DNAH7: variants seen among roughly 807,000 people sequenced by gnomAD.
The protein encoded by DNAH7 is axonemal beta dynein heavy chain 7.
A neutral mutation model predicts 444.6 loss-of-function variants in DNAH7; 397 were observed. That is an observed-to-expected ratio of 0.89 (90% CI 0.82 to 0.97). The LOEUF (loss-of-function observed/expected upper bound fraction) is 0.97. Among genes scored for constraint, DNAH7 ranks in the 50% least tolerant of loss-of-function variants. DNAH7 has a pLI of 0.00. For synonymous variants in DNAH7, 1,636 were observed against 1,624.4 expected, an observed-to-expected ratio of 1.01 and a Z score of -0.17; for missense variants, 4,902 against 4,800.8, an observed-to-expected ratio of 1.02 and a Z score of -0.62.
At chr2:195,753,736 T>G (rs936700208) in intron 63 of DNAH7, among the ~76,000 whole-genome samples, 1 of 152,188 alleles carries the variant, frequency 6.6e-6, no homozygotes, top group Non-Finnish European at 1.5e-5. Context: ...AAATAAAATA[T>G]CAGGGTAGCC....
chr2:196,020,155 T>C (rs1695286845), intron 8 of DNAH7, among the ~76,000 whole-genome samples: 1 of 151,418 alleles, frequency 6.6e-6, no homozygotes, highest in African/African-American at 2.4e-5. Flanking sequence ...CAGTATATAA[T>C]ACATATAACA....
At chr2:195,936,902 A>C in intron 19 of DNAH7, 110 bp from the exon 20 acceptor site, 1 of 903,526 alleles carries the variant, frequency 1.1e-6, no homozygotes, top group Non-Finnish European at 1.6e-6. Context: ...AGGTTATGTA[A>C]ATTTTAAGGG....
Position 195,777,911 on chromosome 2 carries a change from G to GTCCCAGT in DNAH7, c.10946_10952dup (p.Asp3651GlufsTer21). ...TTAGAATGCTGCGCAGCGTGCGCCGGTCCCAGTCATCGGTCACTCTGCCTC... is the reference window on the plus strand; with the variant it reads ...TTAGAATGCTGCGCAGCGTGCGCCGGTCCCAGTTCCCAGTCATCGGTCACTCTGCCTC... On this transcript the variant is annotated frameshift_variant, in exon 59 of 65. Transcript: ENST00000312428. LOFTEE classifies it high-confidence loss of function. The GTCCCAGT allele has an allele frequency of 6.2e-7, 1 of 1,614,154 alleles. No homozygotes were observed. The highest frequency in any genetic ancestry group is 8.5e-7 in the Non-Finnish European group (1 of 1,179,988).
chr2:196,068,492 A>T, intron 1 of DNAH7: 1 of 681,470 alleles, frequency 1.5e-6, no homozygotes, highest in Non-Finnish European at 2.3e-6. Context: ...TGTTATGACG[A>T]CCAAGGGCAA....
At chr2:195,936,393 A>C (rs1212903235) in intron 20 of DNAH7, among the ~76,000 whole-genome samples, 1 of 152,126 alleles carries the variant, frequency 6.6e-6, no homozygotes, top group Non-Finnish European at 1.5e-5. Flanking sequence ...AAAAACAAAC[A>C]AAAAAAGAAA....
intron 51 of DNAH7, among the ~76,000 whole-genome samples, chr2:195,815,463 C>T (rs1306271878): frequency 6.6e-6 from 1 of 152,030 alleles, no homozygotes; most frequent in African/African-American, 2.4e-5. Flanking sequence ...TAAGAACACT[C>T]AAAATTTTAG....
chr2:196,000,938 A>T (rs1693996902), intron 11 of DNAH7, 55 bp from the exon 12 acceptor site: 1 of 1,409,656 alleles, frequency 7.1e-7, no homozygotes, highest in Admixed American at 2.3e-5. Context: ...GTGACAGACT[A>T]AGTAGTACAC....
At chr2:195,821,160 TAA>T (rs35044943) in intron 49 of DNAH7, among the ~76,000 whole-genome samples, 90 of 141,012 alleles carry the variant, frequency 6.4e-4, no homozygotes, top group Non-Finnish European at 6.1e-4. Context: ...GTGGGAAGGT[TAA>T]AAAAAAAAAA....
intron 5 of DNAH7, among the ~76,000 whole-genome samples, chr2:196,032,065 A>C (rs569042887): frequency 6.6e-6 from 1 of 152,342 alleles, no homozygotes; most frequent in South Asian, 2.1e-4. Context: ...TAGAACTTAC[A>C]GTTCCACGTG....
At chr2:195,919,548 T>C (rs1354586826) in intron 24 of DNAH7, among the ~76,000 whole-genome samples, 1 of 152,130 alleles carries the variant, frequency 6.6e-6, no homozygotes, top group Non-Finnish European at 1.5e-5. Flanking sequence ...TTTCACCATG[T>C]TGGCCAGACT....
intron 19 of DNAH7, among the ~76,000 whole-genome samples, chr2:195,937,316 C>G (rs983246992): frequency 3.3e-5 from 5 of 152,088 alleles, no homozygotes; most frequent in African/African-American, 1.2e-4. Flanking sequence ...AACAATGACC[C>G]TTGAAACTAC....
chr2:195,742,969 G>A, intron 63 of DNAH7, among the ~76,000 whole-genome samples: 1 of 152,218 alleles, frequency 6.6e-6, no homozygotes, highest in East Asian at 1.9e-4. Context: ...ATTGGATTGG[G>A]AGAGGCAGAC....
intron 61 of DNAH7, among the ~76,000 whole-genome samples, chr2:195,768,604 T>C (rs1694696371): frequency 6.6e-6 from 1 of 152,094 alleles, no homozygotes. Flanking sequence ...TATTACCAAG[T>C]TGTACTTCAA....
intron 61 of DNAH7, among the ~76,000 whole-genome samples, chr2:195,770,088 T>G (rs1477433572): frequency 6.6e-6 from 1 of 152,132 alleles, no homozygotes; most frequent in Non-Finnish European, 1.5e-5. Context: ...ACATCAATCT[T>G]CAGCCAGCAT....
At chr2:196,060,467 G>A (rs1462469321) in intron 1 of DNAH7, among the ~76,000 whole-genome samples, 4 of 151,954 alleles carry the variant, frequency 2.6e-5, no homozygotes, top group Non-Finnish European at 4.4e-5. Flanking sequence ...AGGCCAAGGT[G>A]GTATTTACTT....
chr2:195,980,402 A>G (rs1457334079), intron 15 of DNAH7, among the ~76,000 whole-genome samples: 1 of 152,168 alleles, frequency 6.6e-6, no homozygotes, highest in Admixed American at 6.5e-5. Flanking sequence ...CTGTGAGTCA[A>G]TTAAACCTCT....
intron 14 of DNAH7, 44 bp from the exon 15 acceptor site, chr2:195,984,754 T>C (rs1380262050): frequency 6.5e-7 from 1 of 1,532,524 alleles, no homozygotes; most frequent in Non-Finnish European, 9.0e-7. Context: ...TACAGTTCAA[T>C]TTAATTCCAA....
At chr2:195,867,859 T>C (rs928021133) in intron 40 of DNAH7, among the ~76,000 whole-genome samples, 1 of 152,204 alleles carries the variant, frequency 6.6e-6, no homozygotes, top group Non-Finnish European at 1.5e-5. Flanking sequence ...TTTCTACTTT[T>C]TGGCTATTAT....
At chr2:196,045,561 C>T (rs1697068914) in intron 5 of DNAH7, among the ~76,000 whole-genome samples, 1 of 151,642 alleles carries the variant, frequency 6.6e-6, no homozygotes. Context: ...AATATGGGTA[C>T]TTAAGGACTT....
Sources: allele counts gnomAD v4.1 joint callset (sites outside exome capture counted in the v4.1 genomes callset), GRCh38; gene constraint gnomAD v4.1.1; transcripts MANE v1.5; gene names NCBI Gene and HGNC (gene_info 2026-07-23, HGNC 2026-07-21).